LRRC69: variants seen among roughly 807,000 people sequenced by gnomAD.
LRRC69 encodes the protein leucine rich repeat containing 69.
LRRC69 carries 42 observed loss-of-function variants against 37.8 expected under a neutral mutation model. The observed-to-expected ratio is 1.11, with a 90% confidence interval of 0.87 to 1.44. The LOEUF (loss-of-function observed/expected upper bound fraction) is 1.44, where lower values mean the gene tolerates loss of function less well. Ranked by LOEUF, LRRC69 falls within the 40% of genes most tolerant of loss-of-function variation. The pLI is 0.00. For synonymous variants in LRRC69, 141 were observed against 143.1 expected (o/e 0.99, Z 0.11); for missense variants, 357 against 401.9 (o/e 0.89, Z 0.96).
intron 5 of LRRC69, among the ~76,000 whole-genome samples, chr8:91,172,383 T>C (rs1438068607): frequency 1.3e-5 from 2 of 152,114 alleles, no homozygotes; most frequent in African/African-American, 4.8e-5. Flanking sequence ...CCAAGTTTTC[T>C]AATTGGTTAT....
At chr8:91,129,340 T>A (rs1160740940) in intron 3 of LRRC69, among the ~76,000 whole-genome samples, 2 of 152,030 alleles carry the variant, frequency 1.3e-5, no homozygotes, top group Non-Finnish European at 2.9e-5. Context: ...TCTACAAGTG[T>A]ATCTCCTATA....
At chr8:91,208,604 A>T (rs1421428719) in intron 7 of LRRC69, among the ~76,000 whole-genome samples, 1 of 152,218 alleles carries the variant, frequency 6.6e-6, no homozygotes, top group Non-Finnish European at 1.5e-5. Flanking sequence ...AAGTTTACCT[A>T]GTTAATTCAA....
At chr8:91,157,929 A>G in intron 5 of LRRC69, 1 of 1,520,178 alleles carries the variant, frequency 6.6e-7, no homozygotes, top group Non-Finnish European at 9.1e-7. Context: ...GTGTATCGGC[A>G]GTATACTGAT....
At chr8:91,142,118 C>A (rs752601026) in intron 5 of LRRC69, among the ~76,000 whole-genome samples, 3 of 151,854 alleles carry the variant, frequency 2.0e-5, no homozygotes, top group African/African-American at 7.2e-5. Flanking sequence ...TCCTCTTTCC[C>A]TCAGGAGCCC....
At chr8:91,187,095 G>T (rs1349661248) in intron 5 of LRRC69, among the ~76,000 whole-genome samples, 2 of 152,126 alleles carry the variant, frequency 1.3e-5, no homozygotes, top group Non-Finnish European at 2.9e-5. Context: ...ACTTTAAGGA[G>T]CTTCCTCAGT....
At chr8:91,186,635 G>A (rs1266870493) in intron 5 of LRRC69, among the ~76,000 whole-genome samples, 2 of 152,190 alleles carry the variant, frequency 1.3e-5, no homozygotes, top group Non-Finnish European at 2.9e-5. Flanking sequence ...AAGGTTCTAA[G>A]CAAGGTTGTT....
chr8:91,144,435 G>A (rs1024758724), intron 5 of LRRC69, among the ~76,000 whole-genome samples: 1 of 151,890 alleles, frequency 6.6e-6, no homozygotes, highest in Non-Finnish European at 1.5e-5. Flanking sequence ...TCCCTGAAGG[G>A]GGTCTCCTTT....
intron 5 of LRRC69, among the ~76,000 whole-genome samples, chr8:91,160,681 C>T (rs1467524604): frequency 6.6e-6 from 1 of 151,174 alleles, no homozygotes; most frequent in African/African-American, 2.4e-5. Flanking sequence ...TTTACTGAGG[C>T]CTCTCCAGCC....
chr8:91,204,121 CAAAA>C (rs768420210), intron 7 of LRRC69, among the ~76,000 whole-genome samples: 4 of 52,432 alleles, frequency 7.6e-5, no homozygotes, highest in Non-Finnish European at 8.2e-5. Context: ...GACTCCATCT[CAAAA>C]AAAAAAAAAA....
At chr8:91,160,485 T>C (rs923186520) in intron 5 of LRRC69, among the ~76,000 whole-genome samples, 1 of 151,136 alleles carries the variant, frequency 6.6e-6, no homozygotes, top group Non-Finnish European at 1.5e-5. Context: ...ATCTCCAATG[T>C]TGGGGGAGGG....
chr8:91,186,153 T>A (rs542871057), intron 5 of LRRC69, among the ~76,000 whole-genome samples: 38 of 152,312 alleles, frequency 2.5e-4, no homozygotes, highest in African/African-American at 8.7e-4. Flanking sequence ...TCTGAGAAGA[T>A]ATTTGTTTAT....
chr8:91,127,154 T>G, exon 3 of LRRC69: 1 of 1,548,464 alleles, frequency 6.5e-7, no homozygotes, highest in Non-Finnish European at 8.7e-7. Context: ...CCTCAAGAAG[T>G]CAGCAGGTAA....
intron 6 of LRRC69, among the ~76,000 whole-genome samples, chr8:91,191,155 G>T (rs1423562443): frequency 1.3e-5 from 2 of 151,264 alleles, no homozygotes; most frequent in Non-Finnish European, 2.9e-5. Flanking sequence ...GTAACTGCTG[G>T]GCCAAAGAAC....
chr8:91,206,889 G>A (rs1809815344), intron 7 of LRRC69: 1 of 1,246,894 alleles, frequency 8.0e-7, no homozygotes, highest in South Asian at 1.3e-5. Flanking sequence ...AGAGGATATG[G>A]GCAGGGAACT....
chr8:91,147,466 C>T (rs1808643341), intron 5 of LRRC69, among the ~76,000 whole-genome samples: 1 of 151,194 alleles, frequency 6.6e-6, no homozygotes, highest in South Asian at 2.1e-4. Flanking sequence ...GACGAGGTCT[C>T]ACTATTTTGC....
chr8:91,206,684 C>T (rs977906973), intron 7 of LRRC69: 7 of 1,289,164 alleles, frequency 5.4e-6, no homozygotes, highest in Admixed American at 2.3e-5. Flanking sequence ...TTTCATGTCT[C>T]TCTTTCAGAA....
At chr8:91,102,724 G>C in exon 1 of LRRC69, 1 of 1,551,656 alleles carries the variant, frequency 6.4e-7, no homozygotes, top group Non-Finnish European at 8.7e-7. Flanking sequence ...TCATTACTTT[G>C]AATGGGAAGA....
At chr8:91,141,186 C>T (rs1215060552) in intron 5 of LRRC69, among the ~76,000 whole-genome samples, 6 of 151,986 alleles carry the variant, frequency 3.9e-5, no homozygotes, top group Non-Finnish European at 7.4e-5. Flanking sequence ...GCAACACTGT[C>T]GGTTGTTCAG....
intron 5 of LRRC69, 34 bp from the exon 6 acceptor site, chr8:91,189,488 G>A: frequency 7.5e-7 from 1 of 1,332,802 alleles, no homozygotes; most frequent in Non-Finnish European, 1.0e-6. Context: ...TCATTATTTT[G>A]TTGTGCAATA....
Sources: allele counts gnomAD v4.1 joint callset (sites outside exome capture counted in the v4.1 genomes callset), GRCh38; gene constraint gnomAD v4.1.1; transcripts MANE v1.5; gene names NCBI Gene and HGNC (gene_info 2026-07-23, HGNC 2026-07-21).